ARID1B: variants seen among roughly 807,000 people sequenced by gnomAD.
ARID1B encodes the protein AT-rich interaction domain 1B, also known as AT-rich interactive domain-containing protein 1B.
In ARID1B, 30 loss-of-function variants were observed where a neutral mutation model predicts 212.3. That is an observed-to-expected ratio of 0.14 (90% CI 0.11 to 0.19). The LOEUF is 0.19. Among genes scored for constraint, ARID1B ranks in the 10% least tolerant of loss-of-function variants. The probability of loss-of-function intolerance (pLI) is 1.00; values close to 1 mark genes in which losing one functional copy is unlikely to be tolerated. For synonymous variants in ARID1B, 1,402 were observed against 1,301.7 expected (o/e 1.08, Z -1.66); for missense variants, 2,891 against 3,204.0 (o/e 0.90, Z 2.36).
chr6:157,153,784 T>G (rs968768785), intron 8 of ARID1B, among the ~76,000 whole-genome samples: 2 of 152,186 alleles, frequency 1.3e-5, no homozygotes, highest in Non-Finnish European at 2.9e-5. Flanking sequence ...TACAGGCACG[T>G]GCCACCATAC....
chr6:157,060,627 G>GA (rs1424667911), intron 4 of ARID1B, among the ~76,000 whole-genome samples: 6 of 91,194 alleles, frequency 6.6e-5, no homozygotes, highest in Admixed American at 1.3e-4. Flanking sequence ...AGCAAAATCT[G>GA]AACTTTTTTT....
Position 157,207,194 on chromosome 6 carries a change from A to C in ARID1B, c.6422A>C (p.Glu2141Ala). The change falls in exon 20 of 20, where the codon GAG becomes GCG. Residue 2141 changes from glutamate to alanine, a missense_variant. Around this residue, in one of 7 missense-constraint regions of ARID1B, gnomAD observed 187 missense variants for 306.5 expected, o/e 0.61. Coordinates refer to ENST00000636930, the MANE Select transcript of ARID1B (RefSeq NM_001374828.1). This position sits in a 1 kb window ranked among gnomAD's most constrained non-coding sequence, Gnocchi z 8.5. ...GATGAGTGGTGGTGGGACTGCCTCG[A>C]GGTCTTGAGGGATAACACGTTGGTC... ...SKDEWWWDCL[E>A]VLRDNTLVTL... 1 of 1,614,146 alleles carries C rather than the reference A, an allele frequency of 6.2e-7. No individual in the cohort carries two copies. Among genetic ancestry groups the C allele is most frequent in the Non-Finnish European group, 8.5e-7 (1 of 1,180,010 alleles).
chr6:156,855,452 C>T (rs2128116163), intron 2 of ARID1B, among the ~76,000 whole-genome samples: 1 of 152,300 alleles, frequency 6.6e-6, no homozygotes, highest in East Asian at 1.9e-4. Flanking sequence ...CACTGCAGGC[C>T]CGTCCACTTT....
chr6:157,093,172 T>G (rs374812646), intron 5 of ARID1B, among the ~76,000 whole-genome samples: 1 of 152,194 alleles, frequency 6.6e-6, no homozygotes, highest in African/African-American at 2.4e-5. Flanking sequence ...AAAAATCACT[T>G]GAGTACATTT....
intron 4 of ARID1B, among the ~76,000 whole-genome samples, chr6:157,082,053 C>T (rs1784665095): frequency 6.6e-6 from 1 of 152,076 alleles, no homozygotes; most frequent in Non-Finnish European, 1.5e-5. Context: ...TGGAGGCTAT[C>T]ACCCATCCTG....
intron 1 of ARID1B, among the ~76,000 whole-genome samples, chr6:156,818,098 ATTTTTTTTTTTTT>A (rs71027317): frequency 1.6e-5 from 1 of 61,330 alleles, no homozygotes; most frequent in East Asian, 5.6e-4. Context: ...TAGTTGCCCT[ATTTTTTTTTTTTT>A]TTTTTTTTTT....
intron 1 of ARID1B, among the ~76,000 whole-genome samples, chr6:156,804,961 C>A (rs1781054313): frequency 6.6e-6 from 1 of 150,712 alleles, no homozygotes. Flanking sequence ...AAAGATTAGG[C>A]AGTATTACTA....
At chr6:157,018,987 G>A (rs961383939) in intron 4 of ARID1B, among the ~76,000 whole-genome samples, 7 of 152,032 alleles carry the variant, frequency 4.6e-5, no homozygotes, top group Non-Finnish European at 7.4e-5. Context: ...AAAAAAATAC[G>A]GTAGGCTCAG....
At chr6:157,021,955 T>G (rs916638159) in intron 4 of ARID1B, among the ~76,000 whole-genome samples, 1 of 152,154 alleles carries the variant, frequency 6.6e-6, no homozygotes, top group Non-Finnish European at 1.5e-5. Context: ...AAGGTTTTAT[T>G]TTTCCCCTAC....
intron 7 of ARID1B, among the ~76,000 whole-genome samples, chr6:157,134,837 C>T (rs1245100954): frequency 1.3e-5 from 2 of 152,182 alleles, no homozygotes; most frequent in African/African-American, 2.4e-5. Context: ...TAATTGGAAG[C>T]AAGATGCAGA....
At chr6:156,977,479 A>C (rs1346675495) in intron 4 of ARID1B, among the ~76,000 whole-genome samples, 1 of 152,120 alleles carries the variant, frequency 6.6e-6, no homozygotes, top group African/African-American at 2.4e-5. Flanking sequence ...TGCATCATTA[A>C]AGTTTATAGC....
chr6:156,953,943 TTATTTCATTTTAACTGCAAGGATAAA>T (rs1793771769), intron 4 of ARID1B, among the ~76,000 whole-genome samples: 1 of 152,262 alleles, frequency 6.6e-6, no homozygotes, highest in Admixed American at 6.5e-5. Flanking sequence ...TAGTCATGGT[TTATTTCATTTTAACTGCAAGGATAAA>T]AGCATTATTC....
At chr6:157,170,551 C>A (rs939671037) in intron 9 of ARID1B, among the ~76,000 whole-genome samples, 2 of 152,132 alleles carry the variant, frequency 1.3e-5, no homozygotes, top group African/African-American at 4.8e-5. Flanking sequence ...TTATGAAAAC[C>A]AAATCTCTTA....
In ARID1B at chr6:156,778,268, CCAGCAGCAGCAGCAGCAGCAG is replaced by C. The variant is rs587779743; in HGVS notation, c.591_611del (p.Gln208_Gln214del). 35 of 1,536,826 alleles carry C rather than the reference CCAGCAGCAGCAGCAGCAGCAG, an allele frequency of 2.3e-5. No homozygotes were observed. The highest frequency in any genetic ancestry group is 5.5e-5 in the African/African-American group (4 of 72,664). On this transcript the variant is annotated inframe_deletion, in exon 1 of 20. Coordinates refer to ENST00000636930, the MANE Select transcript of ARID1B (RefSeq NM_001374828.1). ...CACTACAGCAGCAGCTAAACCAGTT[CCAGCAGCAGCAGCAGCAGCAG>C]CAACAGCAGCAGCAGCAGCAGCAGC...
At chr6:157,069,900 C>T (rs987566942) in intron 4 of ARID1B, among the ~76,000 whole-genome samples, 5 of 152,146 alleles carry the variant, frequency 3.3e-5, no homozygotes, top group African/African-American at 1.2e-4. Context: ...CTAGCCTATA[C>T]GAATAACGTT....
intron 4 of ARID1B, among the ~76,000 whole-genome samples, chr6:157,038,983 A>G (rs942797555): frequency 1.3e-5 from 2 of 151,482 alleles, no homozygotes; most frequent in Admixed American, 6.6e-5. Context: ...GGCTCATTGC[A>G]GCCTCAACGT....
At chr6:156,966,732 C>T (rs1185997672) in intron 4 of ARID1B, among the ~76,000 whole-genome samples, 2 of 151,768 alleles carry the variant, frequency 1.3e-5, no homozygotes, top group Admixed American at 6.6e-5. Context: ...GACGGAGTCT[C>T]GCTCTGTCGC....
rs754489682 is a variant in ARID1B at position 156,779,273 on chromosome 6, G to C, written c.1593G>C (p.Pro531=). Residue 531 remains proline, a synonymous_variant, in exon 1 of 20, where the codon CCG becomes CCC. Coordinates refer to ENST00000636930, the MANE Select transcript of ARID1B (RefSeq NM_001374828.1). ...ACAGCAGCCCCAGCGCGCCGCCGCC[G>C]CCGCCGTCGCAGCCCCAGTCCCAGG... ...PEYSSPSAPP[P]PPSQPQSQAA... is the part of the protein sequence containing the mutation. 1 of 1,147,516 alleles carries C rather than the reference G, an allele frequency of 8.7e-7. No homozygotes were observed. The highest frequency in any genetic ancestry group is 1.1e-6 in the Non-Finnish European group (1 of 933,076). The allele number at this position is 1,147,516 out of a possible 1,614,324, so 71.1% of individuals were successfully genotyped here. A position where few individuals can be genotyped will look rare whatever the true frequency, so the allele number is the denominator to read the frequency against.
rs1378258015 is a variant in ARID1B, at chr6:157,154,398, C to G, written c.3089+5447C>G. ...GAGGTTCCATAAGGACACAGAGTTT[C>G]AATTATAGAATGAGCAGATCTCAGA... is the stretch of plus-strand genomic sequence containing the variant. On this transcript the variant is annotated intron_variant, in intron 8 of 19. Transcript: ENST00000636930. Among the ~76,000 whole-genome samples the G allele has an allele frequency of 2.0e-5, 3 of 152,046 alleles. No homozygotes were observed. In the East Asian group the frequency reaches 5.8e-4, roughly 29 times the overall value.
Sources: allele counts gnomAD v4.1 joint callset (sites outside exome capture counted in the v4.1 genomes callset), GRCh38; gene constraint gnomAD v4.1.1; regional missense constraint gnomAD v4.1.1; non-coding constraint Gnocchi (gnomAD v3.1); transcripts MANE v1.5; gene names NCBI Gene and HGNC (gene_info 2026-07-23, HGNC 2026-07-21).